CIMAP2: variants seen among roughly 807,000 people sequenced by gnomAD.
CIMAP2 encodes the protein ciliary microtubule-associated protein 2.
At chr1:54,806,887 G>T in the CIMAP2 span, 1 of 993,836 alleles carries the variant, frequency 1.0e-6, no homozygotes, top group Non-Finnish European at 1.6e-6. Context: ...TCATGAGCTT[G>T]CTCCAAAGTC....
chr1:54,840,502 G>C, the CIMAP2 span, among the ~76,000 whole-genome samples: 4 of 152,176 alleles, frequency 2.6e-5, no homozygotes, highest in Non-Finnish European at 5.9e-5. Context: ...TAAATATCTA[G>C]GAGTAGGATT....
At chr1:54,816,820 T>C in the CIMAP2 span, among the ~76,000 whole-genome samples, 1 of 152,200 alleles carries the variant, frequency 6.6e-6, no homozygotes, top group African/African-American at 2.4e-5. Context: ...AAGGTCACAT[T>C]TTGAGATACT....
At chr1:54,808,990 G>GTTTAGCATCCCTCCCCGC in the CIMAP2 span, among the ~76,000 whole-genome samples, 3 of 147,038 alleles carry the variant, frequency 2.0e-5, no homozygotes, top group South Asian at 2.2e-4. Flanking sequence ...TCTTGTGTGT[G>GTTTAGCATCCCTCCCCGC]ACTGGACAGC....
chr1:54,808,611 C>CGGGGGGGGGGGGGGGG, the CIMAP2 span, among the ~76,000 whole-genome samples: 1 of 44,208 alleles, frequency 2.3e-5, no homozygotes, highest in African/African-American at 5.8e-5. Context: ...CCAGGTGCTG[C>CGGGGGGGGGGGGGGGG]CGGGGGAGGG....
chr1:54,812,071 A>C, the CIMAP2 span: 1 of 1,614,052 alleles, frequency 6.2e-7, no homozygotes, highest in Admixed American at 1.7e-5. Context: ...CCCGGCACCT[A>C]CTTCTTCAAA....
At chr1:54,825,599 GTA>G in the CIMAP2 span, among the ~76,000 whole-genome samples, 1 of 152,142 alleles carries the variant, frequency 6.6e-6, no homozygotes, top group Non-Finnish European at 1.5e-5. Context: ...AGTGGGCTGG[GTA>G]TGTCAGTCCT....
the CIMAP2 span, among the ~76,000 whole-genome samples, chr1:54,819,947 CCTT>C: frequency 6.0e-5 from 6 of 99,662 alleles, no homozygotes; most frequent in Non-Finnish European, 1.1e-4. Flanking sequence ...TTCTTTCTGT[CCTT>C]CTTTCTTTCT....
the CIMAP2 span, among the ~76,000 whole-genome samples, chr1:54,822,555 C>T: frequency 6.6e-6 from 1 of 152,062 alleles, no homozygotes; most frequent in South Asian, 2.1e-4. Context: ...TTGCTATATT[C>T]TTCTTCCCTG....
At chr1:54,811,765 G>GCCGGGGGGGGGGCCCCCCCCCCCCCCCCC in the CIMAP2 span, 8 of 1,301,322 alleles carry the variant, frequency 6.1e-6, no homozygotes, top group Non-Finnish European at 8.7e-6. Flanking sequence ...GGTTCTGACA[G>GCCGGGGGGGGGGCCCCCCCCCCCCCCCCC]CCTCCATGCC....
chr1:54,809,669 G>C, the CIMAP2 span, among the ~76,000 whole-genome samples: 1 of 151,992 alleles, frequency 6.6e-6, no homozygotes, highest in South Asian at 2.1e-4. Flanking sequence ...TCACCCACAG[G>C]TTTGGCCCCC....
chr1:54,842,175 G>A, the CIMAP2 span: 6 of 479,938 alleles, frequency 1.3e-5, no homozygotes, highest in East Asian at 3.5e-5. Context: ...GGGATGGGAC[G>A]TAGTTGACAC....
At chr1:54,841,543 G>T in the CIMAP2 span, 1 of 1,609,696 alleles carries the variant, frequency 6.2e-7, no homozygotes, top group Non-Finnish European at 8.5e-7. Flanking sequence ...TTTTATACCT[G>T]AAGTTCTTAC....
At chr1:54,813,892 G>T in the CIMAP2 span, 28 of 1,613,706 alleles carry the variant, frequency 1.7e-5, no homozygotes, top group Middle Eastern at 1.6e-4. Flanking sequence ...GAAGCATGGG[G>T]TTTTTTCTAA....
the CIMAP2 span, among the ~76,000 whole-genome samples, chr1:54,812,467 A>C: frequency 6.6e-6 from 1 of 152,258 alleles, no homozygotes; most frequent in African/African-American, 2.4e-5. Context: ...ACTGGCATGA[A>C]GTGCCCAGGA....
the CIMAP2 span, chr1:54,816,919 A>G: frequency 1.9e-6 from 3 of 1,575,422 alleles, no homozygotes; most frequent in East Asian, 2.3e-5. Flanking sequence ...GTCCAAGGGG[A>G]GGAGAGGAAG....
chr1:54,821,894 T>TGTCTGACTGCTCTGGCTAGGAC, the CIMAP2 span, among the ~76,000 whole-genome samples: 4 of 79,328 alleles, frequency 5.0e-5, no homozygotes, highest in Non-Finnish European at 7.3e-5. Flanking sequence ...TTCTTTTTTT[T>TGTCTGACTGCTCTGGCTAGGAC]TTTTTTTTTT....
At chr1:54,820,114 CTTTCTTTCTT>C in the CIMAP2 span, among the ~76,000 whole-genome samples, 22 of 48,922 alleles carry the variant, frequency 4.5e-4, no homozygotes, top group Middle Eastern at 8.9e-3. Context: ...CTCTCTCTCT[CTTTCTTTCTT>C]TCTTTCTTTC....
chr1:54,813,744 G>C, the CIMAP2 span: 25 of 1,480,118 alleles, frequency 1.7e-5, 1 homozygote, highest in Admixed American at 6.7e-5. Flanking sequence ...CTCTGGTTGC[G>C]GGGGAGGGTT....
the CIMAP2 span, chr1:54,841,869 C>T: frequency 1.3e-6 from 2 of 1,551,730 alleles, no homozygotes; most frequent in Non-Finnish European, 1.7e-6. Flanking sequence ...GATCCTACTC[C>T]TTAAAGCCAC....
Sources: allele counts gnomAD v4.1 joint callset (sites outside exome capture counted in the v4.1 genomes callset), GRCh38; gene constraint gnomAD v4.1.1; transcripts MANE v1.5; gene names NCBI Gene and HGNC (gene_info 2026-07-23, HGNC 2026-07-21).